The following ABCC4 variants were observed in gnomAD, a reference collection of about 807,000 sequenced individuals.
ABCC4 encodes ATP-binding cassette sub-family C member 4.
A neutral mutation model predicts 168.5 loss-of-function variants in ABCC4; 102 were observed. The observed-to-expected ratio is 0.61, with a 90% confidence interval of 0.52 to 0.71. The LOEUF is 0.71. Among genes scored for constraint, ABCC4 ranks in the 30% least tolerant of loss-of-function variants. ABCC4 has a pLI of 0.00. For missense variants in ABCC4, 1,402 were observed against 1,605.8 expected (o/e 0.87, Z 2.17); for synonymous variants, 617 against 590.7 (o/e 1.04, Z -0.65).
At position 95,074,294 on chromosome 13, in the gene ABCC4, C is replaced by T. The variant is rs752092743; in HGVS notation, c.2837G>A (p.Arg946His). 3.7e-6 allele frequency: 6 copies of T among 1,613,366 alleles called. No homozygotes were observed. Among genetic ancestry groups the T allele is most frequent in the Middle Eastern group, 1.6e-4 (1 of 6,078 alleles). The part of the protein sequence containing the change: ...EAWFLFLTTS[R>H]WFAVRLDAIC... Reference sequence around the variant, plus strand: ...GGCATCCAGACGGACGGCAAACCAGCGGGACGTTGTCAAAAACAAGAACCA... The same window carrying T: ...GGCATCCAGACGGACGGCAAACCAGTGGGACGTTGTCAAAAACAAGAACCA... The change falls in exon 23 of 31, where the codon CGC (arginine) becomes CAC (histidine). Residue 946 changes from arginine (R) to histidine (H), a missense_variant. Transcript: ENST00000645237.
intron 1 of ABCC4, among the ~76,000 whole-genome samples, chr13:95,280,852 C>T (rs1162967683): frequency 3.3e-5 from 5 of 152,048 alleles, no homozygotes; most frequent in African/African-American, 1.2e-4. Flanking sequence ...TCGAGAGAGA[C>T]AGCAACAAGG....
intron 20 of ABCC4, among the ~76,000 whole-genome samples, chr13:95,087,339 G>A (rs575598685): frequency 2.0e-5 from 3 of 152,216 alleles, no homozygotes; most frequent in South Asian, 2.1e-4. Flanking sequence ...GCAACATGGC[G>A]AAACCCCGTC....
chr13:95,121,510 C>A (rs974728726), intron 19 of ABCC4, among the ~76,000 whole-genome samples: 1 of 150,418 alleles, frequency 6.6e-6, no homozygotes, highest in African/African-American at 2.5e-5. Flanking sequence ...CTGGGCTCAA[C>A]TGATCCTCCT....
At chr13:95,257,536 G>A (rs1355938243) in intron 1 of ABCC4, among the ~76,000 whole-genome samples, 8 of 152,018 alleles carry the variant, frequency 5.3e-5, no homozygotes, top group African/African-American at 7.2e-5. Context: ...CGGACATGGC[G>A]GTGCACATCC....
intron 9 of ABCC4, among the ~76,000 whole-genome samples, chr13:95,189,073 T>A (rs1025035689): frequency 6.7e-6 from 1 of 149,670 alleles, no homozygotes; most frequent in Middle Eastern, 3.5e-3. Flanking sequence ...AAGCCCCGTA[T>A]GTGTAATGTT....
At chr13:95,165,916 C>T (rs2037255168) in intron 15 of ABCC4, among the ~76,000 whole-genome samples, 1 of 152,120 alleles carries the variant, frequency 6.6e-6, no homozygotes, top group South Asian at 2.1e-4. Context: ...AGGACTTGCA[C>T]CAGCATACAC....
chr13:95,251,409 C>G (rs2040256386), intron 1 of ABCC4, among the ~76,000 whole-genome samples: 1 of 152,152 alleles, frequency 6.6e-6, no homozygotes, highest in South Asian at 2.1e-4. Context: ...ACTTGATACT[C>G]ATTGAATCAA....
chr13:95,023,919 TACTC>T (rs1593953227), intron 30 of ABCC4, among the ~76,000 whole-genome samples: 2 of 152,080 alleles, frequency 1.3e-5, no homozygotes, highest in South Asian at 4.2e-4. Context: ...TTTGAAAACT[TACTC>T]AGGCTGGGCG....
intron 26 of ABCC4, among the ~76,000 whole-genome samples, chr13:95,058,873 C>G (rs2033176966): frequency 6.6e-6 from 1 of 152,188 alleles, no homozygotes; most frequent in Non-Finnish European, 1.5e-5. Flanking sequence ...AGGAGCCCGG[C>G]CAAGCAGGGC....
chr13:95,121,693 G>C (rs1208591876), intron 19 of ABCC4, among the ~76,000 whole-genome samples: 1 of 152,130 alleles, frequency 6.6e-6, no homozygotes, highest in Admixed American at 6.5e-5. Flanking sequence ...ACAGGCATGA[G>C]TCACAGCGCC....
At chr13:95,177,504 T>C (rs1156323547) in intron 13 of ABCC4, among the ~76,000 whole-genome samples, 1 of 152,200 alleles carries the variant, frequency 6.6e-6, no homozygotes, top group Non-Finnish European at 1.5e-5. Flanking sequence ...TGCAACACAC[T>C]GAAATCACTT....
rs11568680 is a variant in ABCC4 at position 95,301,361 on chromosome 13, G to A, written c.-47C>T. The A allele has an allele frequency of 5.3e-6, 8 of 1,510,304 alleles. No individual in the cohort carries two copies. In the Admixed American group the frequency reaches 1.5e-4, roughly 27 times the overall value. The allele number at this position is 1,510,304 out of a possible 1,614,324, so 93.6% of individuals were successfully genotyped here. A position where few individuals can be genotyped will look rare whatever the true frequency, so the allele number is the denominator to read the frequency against. ...GGGCCGGGGTCGCGCTGATCAGGCGGCGGTGGCCGCGGGCTCCGCTCCTGG... is the reference window on the plus strand; with the variant it reads ...GGGCCGGGGTCGCGCTGATCAGGCGACGGTGGCCGCGGGCTCCGCTCCTGG... On this transcript the variant is annotated 5_prime_UTR_variant, in exon 1 of 31. Transcript: ENST00000645237.
At chr13:95,125,059 A>C (rs1431513800) in intron 19 of ABCC4, among the ~76,000 whole-genome samples, 2 of 151,928 alleles carry the variant, frequency 1.3e-5, no homozygotes, top group Admixed American at 1.3e-4. Context: ...GCACCTCAAA[A>C]CTATGACACA....
intron 15 of ABCC4, among the ~76,000 whole-genome samples, 194 bp downstream of exon 15, chr13:95,165,964 T>C (rs1243397765): frequency 6.6e-6 from 1 of 152,178 alleles, no homozygotes; most frequent in Non-Finnish European, 1.5e-5. Context: ...CCAGCCTACA[T>C]ACAAAGGATA....
rs5805905 is a variant in ABCC4 at position 95,126,816 on chromosome 13, C to CAAAT, written c.2456-10816_2456-10815insATTT. ...TATATTTATATATATTTAAGTACAC[C>CAAAT]ATATATATTTATATATATTTAAGTA... On this transcript the variant is annotated intron_variant, in intron 19 of 30. Coordinates refer to ENST00000645237, the MANE Select transcript of ABCC4 (RefSeq NM_005845.5). 1.3e-3 allele frequency among the ~76,000 whole-genome samples: 47 copies of CAAAT among 35,202 alleles called. 1 individual carries two copies. The highest frequency in any genetic ancestry group is 7.1e-3 in the East Asian group (8 of 1,128). 23.1% of individuals were successfully genotyped at this position (35,202 alleles called of 152,430 possible). A position where few individuals can be genotyped will look rare whatever the true frequency, so the allele number is the denominator to read the frequency against.
chr13:95,273,258 C>CTTTCAGCTT (rs1393081776), intron 1 of ABCC4, among the ~76,000 whole-genome samples: 1 of 152,198 alleles, frequency 6.6e-6, no homozygotes, highest in Non-Finnish European at 1.5e-5. Context: ...CCTGACGTTT[C>CTTTCAGCTT]TTTCAGCTTT....
chr13:95,094,833 A>G (rs113352692), intron 20 of ABCC4, among the ~76,000 whole-genome samples: 1 of 152,112 alleles, frequency 6.6e-6, no homozygotes, highest in Non-Finnish European at 1.5e-5. Flanking sequence ...TAAGAAAAAA[A>G]AATCTCATCA....
chr13:95,055,836 T>C (rs2033032301), intron 26 of ABCC4: 1 of 151,590 alleles, frequency 6.6e-6, no homozygotes, highest in Admixed American at 6.6e-5. Flanking sequence ...TGAGCCAAGA[T>C]AGCACCACTG....
intron 1 of ABCC4, among the ~76,000 whole-genome samples, chr13:95,300,915 G>C (rs1489754381): frequency 1.3e-5 from 2 of 152,166 alleles, no homozygotes; most frequent in Non-Finnish European, 2.9e-5. Flanking sequence ...TCCCCCTTTC[G>C]GCAGCCTGGG....
Sources: allele counts gnomAD v4.1 joint callset (sites outside exome capture counted in the v4.1 genomes callset), GRCh38; gene constraint gnomAD v4.1.1; transcripts MANE v1.5; gene names NCBI Gene and HGNC (gene_info 2026-07-23, HGNC 2026-07-21).